Variants in COMMD1 observed in about 807,000 individuals in gnomAD.
COMMD1 encodes copper metabolism domain containing 1.
In COMMD1, 10 loss-of-function variants were observed where a neutral mutation model predicts 17.2. The ratio of observed to expected loss-of-function variants is 0.58; its 90% CI spans 0.36 to 0.99. The LOEUF (loss-of-function observed/expected upper bound fraction) is 0.99. Among genes scored for constraint, COMMD1 ranks in the 50% least tolerant of loss-of-function variants. The pLI, the probability that COMMD1 is intolerant of heterozygous loss-of-function variation, is 0.01. For missense variants in COMMD1, 270 were observed against 231.8 expected (o/e 1.17, Z -1.07); for synonymous variants, 97 against 91.6 (o/e 1.06, Z -0.34).
intron 1 of COMMD1, among the ~76,000 whole-genome samples, chr2:61,949,689 C>A (rs1363275946): frequency 6.6e-6 from 1 of 152,214 alleles, no homozygotes; most frequent in East Asian, 1.9e-4. Flanking sequence ...TTTGTGAAAA[C>A]TTGTGTCCGT....
chr2:62,132,419 T>C (rs1399710414), intron 2 of COMMD1, among the ~76,000 whole-genome samples: 1 of 152,264 alleles, frequency 6.6e-6, no homozygotes, highest in Admixed American at 6.5e-5. Context: ...ACCAGGTTAT[T>C]TATTACTGTA....
intron 1 of COMMD1, among the ~76,000 whole-genome samples, chr2:61,890,797 A>C (rs1382029223): frequency 1.4e-5 from 2 of 143,634 alleles, no homozygotes; most frequent in Non-Finnish European, 3.0e-5. Flanking sequence ...ACTGCACTCC[A>C]GCCTGGGTGA....
Position 61,961,909 on chromosome 2 carries a change from A to G in COMMD1, c.181-38792A>G, listed in dbSNP as rs187423381. 1.3e-3 allele frequency among the ~76,000 whole-genome samples: 192 copies of G among 152,164 alleles called. 1 individual carries two copies. The highest frequency in any genetic ancestry group is 3.0e-3 in the African/African-American group (126 of 41,526). ...TTGTTATGTAGGTGGTCTCTTGTTT[A>G]TTTCTGATAATGATAATTATAGGTC... On this transcript the variant is annotated intron_variant, in intron 1 of 2. Transcript: ENST00000311832.
intron 1 of COMMD1, among the ~76,000 whole-genome samples, chr2:61,912,257 T>G (rs541960927): frequency 2.0e-5 from 3 of 152,290 alleles, no homozygotes; most frequent in African/African-American, 7.2e-5. Flanking sequence ...AGTAAAAGTT[T>G]GTAGAATAAG....
chr2:62,097,399 A>G (rs1296881019), intron 2 of COMMD1, among the ~76,000 whole-genome samples: 2 of 152,140 alleles, frequency 1.3e-5, no homozygotes, highest in Non-Finnish European at 2.9e-5. Context: ...ACTGAATTCT[A>G]CCAGTATCTG....
intron 2 of COMMD1, among the ~76,000 whole-genome samples, chr2:62,035,521 A>G (rs1296527161): frequency 6.6e-6 from 1 of 152,048 alleles, no homozygotes; most frequent in African/African-American, 2.4e-5. Flanking sequence ...CAAGTGGATC[A>G]CTTGAGCCCA....
intron 2 of COMMD1, among the ~76,000 whole-genome samples, chr2:62,072,042 C>T (rs942804031): frequency 2.3e-4 from 35 of 151,744 alleles, no homozygotes; most frequent in African/African-American, 8.0e-4. Context: ...TTTCCAGCCT[C>T]ACTCTAGTAT....
intron 2 of COMMD1, among the ~76,000 whole-genome samples, chr2:62,039,983 C>T (rs188125088): frequency 3.3e-5 from 5 of 152,240 alleles, no homozygotes; most frequent in South Asian, 2.1e-4. Context: ...TAGCTGGGCA[C>T]GGTGGCTTAT....
chr2:62,128,806 G>A (rs1672952032), intron 2 of COMMD1, among the ~76,000 whole-genome samples: 1 of 151,898 alleles, frequency 6.6e-6, no homozygotes, highest in African/African-American at 2.4e-5. Context: ...CAAAAAATTA[G>A]CTGGGCATGG....
At chr2:61,924,855 G>A (rs938410437) in intron 1 of COMMD1, among the ~76,000 whole-genome samples, 1 of 152,166 alleles carries the variant, frequency 6.6e-6, no homozygotes, top group African/African-American at 2.4e-5. Context: ...TGTCGGTGAC[G>A]AAGACTACAG....
intron 2 of COMMD1, among the ~76,000 whole-genome samples, chr2:62,054,352 C>T (rs1238011528): frequency 6.6e-6 from 1 of 152,166 alleles, no homozygotes; most frequent in Non-Finnish European, 1.5e-5. Context: ...GGGTATCTAA[C>T]CGCCAGAAAA....
At chr2:62,010,340 T>G (rs904596119) in intron 2 of COMMD1, among the ~76,000 whole-genome samples, 1 of 152,128 alleles carries the variant, frequency 6.6e-6, no homozygotes, top group Non-Finnish European at 1.5e-5. Context: ...TTCCTTCTAA[T>G]CCTCACAACA....
At chr2:62,004,614 T>C (rs575686834) in intron 2 of COMMD1, among the ~76,000 whole-genome samples, 20 of 152,212 alleles carry the variant, frequency 1.3e-4, no homozygotes, top group Admixed American at 2.6e-4. Flanking sequence ...TAAAATCCTT[T>C]TTAATACAAA....
chr2:62,085,770 G>C (rs1394947450), intron 2 of COMMD1, among the ~76,000 whole-genome samples: 1 of 151,392 alleles, frequency 6.6e-6, no homozygotes, highest in Non-Finnish European at 1.5e-5. Flanking sequence ...ACGAGGTCAG[G>C]AGATCGAGAC....
chr2:61,990,616 G>A (rs1382108974), intron 1 of COMMD1, among the ~76,000 whole-genome samples: 1 of 152,158 alleles, frequency 6.6e-6, no homozygotes, highest in African/African-American at 2.4e-5. Flanking sequence ...CATGTGGCCG[G>A]AGAGGCCTCA....
intron 2 of COMMD1, among the ~76,000 whole-genome samples, chr2:62,077,624 A>T (rs1236364722): frequency 3.3e-5 from 5 of 151,940 alleles, no homozygotes; most frequent in Non-Finnish European, 7.4e-5. Context: ...ACAGGGACCT[A>T]ATCTTTGTAA....
At chr2:62,071,275 CT>C (rs1671192169) in intron 2 of COMMD1, among the ~76,000 whole-genome samples, 1 of 152,098 alleles carries the variant, frequency 6.6e-6, no homozygotes, top group African/African-American at 2.4e-5. Flanking sequence ...GTGAGAGTGT[CT>C]TTTAGTATGC....
chr2:61,984,174 G>A (rs1362318953), intron 1 of COMMD1, among the ~76,000 whole-genome samples: 2 of 152,128 alleles, frequency 1.3e-5, no homozygotes, highest in African/African-American at 2.4e-5. Context: ...ACAGGCGTGT[G>A]CCACCACACC....
intron 2 of COMMD1, among the ~76,000 whole-genome samples, chr2:62,055,900 C>A (rs1670685738): frequency 6.6e-6 from 1 of 152,208 alleles, no homozygotes. Context: ...GTTGATGAGT[C>A]TACTGGTGTT....
Sources: gnomAD v4.1 joint callset for allele counts (sites outside exome capture counted in the v4.1 genomes callset) on GRCh38, gnomAD v4.1.1 for gene constraint, MANE v1.5 for transcripts, NCBI Gene and HGNC (gene_info 2026-07-23, HGNC 2026-07-21) for gene names.